The following PCED1B variants were observed in gnomAD, a reference collection of about 807,000 sequenced individuals.
The protein encoded by PCED1B is PC-esterase domain containing 1B.
For synonymous variants in PCED1B, 251 were observed against 246.1 expected (o/e 1.02, Z -0.19); for missense variants, 573 against 573.9 (o/e 1.00, Z 0.02).
At chr12:47,092,838 T>G (rs1005237777) in intron 1 of PCED1B, among the ~76,000 whole-genome samples, 1 of 152,074 alleles carries the variant, frequency 6.6e-6, no homozygotes, top group Non-Finnish European at 1.5e-5. Flanking sequence ...AAGCCACACT[T>G]GTACACTTGG....
intron 2 of PCED1B, among the ~76,000 whole-genome samples, chr12:47,144,557 A>G (rs1169377917): frequency 1.3e-5 from 2 of 152,174 alleles, no homozygotes; most frequent in Non-Finnish European, 2.9e-5. Flanking sequence ...GCATTTCTAA[A>G]AAGGGCATTG....
chr12:47,218,584 A>G (rs1280259034), intron 3 of PCED1B, among the ~76,000 whole-genome samples: 8 of 152,102 alleles, frequency 5.3e-5, no homozygotes, highest in Non-Finnish European at 1.5e-5. Flanking sequence ...CCTGGGTGCA[A>G]GGTATCCTTC....
chr12:47,151,679 C>G (rs1048380934), intron 2 of PCED1B, among the ~76,000 whole-genome samples: 2 of 152,164 alleles, frequency 1.3e-5, no homozygotes, highest in African/African-American at 4.8e-5. Context: ...GGTGTAAATT[C>G]CAGTCTAAAT....
intron 2 of PCED1B, among the ~76,000 whole-genome samples, chr12:47,199,273 C>T (rs946829818): frequency 5.9e-5 from 9 of 152,122 alleles, no homozygotes; most frequent in African/African-American, 1.7e-4. Context: ...GTATTTCATG[C>T]TCATGGATAG....
intron 1 of PCED1B, among the ~76,000 whole-genome samples, chr12:47,091,711 CTTGTGTG>C (rs1252789841): frequency 1.3e-5 from 2 of 152,098 alleles, no homozygotes; most frequent in East Asian, 3.8e-4. Flanking sequence ...GGTATTGACT[CTTGTGTG>C]TAATGTGAAA....
intron 1 of PCED1B, among the ~76,000 whole-genome samples, chr12:47,083,969 A>G (rs1380654066): frequency 2.0e-5 from 3 of 152,214 alleles, no homozygotes; most frequent in Non-Finnish European, 4.4e-5. Flanking sequence ...TCACCATTGT[A>G]ACAATTTTAA....
intron 2 of PCED1B, among the ~76,000 whole-genome samples, chr12:47,176,765 G>A (rs1014860274): frequency 6.6e-6 from 1 of 152,120 alleles, no homozygotes; most frequent in African/African-American, 2.4e-5. Context: ...ATCTGAAGTG[G>A]TGGATAGCCT....
At chr12:47,188,962 G>T (rs1411170128) in intron 2 of PCED1B, among the ~76,000 whole-genome samples, 1 of 152,080 alleles carries the variant, frequency 6.6e-6, no homozygotes, top group Non-Finnish European at 1.5e-5. Context: ...TTCTGCTTCT[G>T]ATTAGGTCAC....
chr12:47,133,833 G>C (rs1037341143), intron 2 of PCED1B, among the ~76,000 whole-genome samples: 2 of 152,118 alleles, frequency 1.3e-5, no homozygotes, highest in African/African-American at 4.8e-5. Flanking sequence ...TTATGAAGTG[G>C]AACCTTTAGG....
chr12:47,227,119 T>C (rs138307207), intron 3 of PCED1B, among the ~76,000 whole-genome samples: 124 of 152,226 alleles, frequency 8.1e-4, no homozygotes, highest in African/African-American at 2.2e-3. Context: ...AGAACTTCAT[T>C]TCCATTTCAG....
At chr12:47,171,984 T>C (rs971492381) in intron 2 of PCED1B, among the ~76,000 whole-genome samples, 1 of 152,160 alleles carries the variant, frequency 6.6e-6, no homozygotes, top group Non-Finnish European at 1.5e-5. Flanking sequence ...TTTCTGTCTC[T>C]GTATTTATAA....
At chr12:47,153,968 A>C (rs1941100193) in intron 2 of PCED1B, among the ~76,000 whole-genome samples, 1 of 152,160 alleles carries the variant, frequency 6.6e-6, no homozygotes, top group African/African-American at 2.4e-5. Context: ...TATGTGTTTC[A>C]ATATGTATTT....
chr12:47,150,131 A>T (rs1419186606), intron 2 of PCED1B, among the ~76,000 whole-genome samples: 1 of 152,138 alleles, frequency 6.6e-6, no homozygotes, highest in African/African-American at 2.4e-5. Flanking sequence ...TATTTTAACA[A>T]AGTTGGAGGG....
intron 2 of PCED1B, among the ~76,000 whole-genome samples, chr12:47,133,437 G>A (rs1251361948): frequency 1.3e-5 from 2 of 152,148 alleles, no homozygotes; most frequent in Non-Finnish European, 2.9e-5. Context: ...TAATGTTCAG[G>A]TCAGCAATAA....
chr12:47,230,947 T>C (rs1819672427), intron 3 of PCED1B, among the ~76,000 whole-genome samples: 2 of 152,210 alleles, frequency 1.3e-5, no homozygotes, highest in South Asian at 2.1e-4. Context: ...ACATCAGATA[T>C]ATGAAGTGTA....
chr12:47,106,851 CA>C (rs891373694), intron 2 of PCED1B, among the ~76,000 whole-genome samples: 5 of 152,132 alleles, frequency 3.3e-5, no homozygotes, highest in African/African-American at 1.2e-4. Context: ...CCACCTCTGG[CA>C]AACATACATT....
At chr12:47,122,407 T>C (rs1939718786) in intron 2 of PCED1B, among the ~76,000 whole-genome samples, 1 of 152,226 alleles carries the variant, frequency 6.6e-6, no homozygotes, top group African/African-American at 2.4e-5. Flanking sequence ...GATCCAGAAC[T>C]TTACATTTCA....
intron 2 of PCED1B, among the ~76,000 whole-genome samples, chr12:47,131,251 T>C (rs774041721): frequency 6.6e-6 from 1 of 152,168 alleles, no homozygotes; most frequent in Non-Finnish European, 1.5e-5. Flanking sequence ...GGCATTCCAC[T>C]CCTTAGGCTA....
intron 2 of PCED1B, among the ~76,000 whole-genome samples, chr12:47,213,439 CAT>C (rs1943154227): frequency 6.6e-6 from 1 of 152,154 alleles, no homozygotes; most frequent in Non-Finnish European, 1.5e-5. Flanking sequence ...GATTTAAACA[CAT>C]ACACACACGA....
Sources: allele counts gnomAD v4.1 joint callset (sites outside exome capture counted in the v4.1 genomes callset), GRCh38; gene constraint gnomAD v4.1.1; transcripts MANE v1.5; gene names NCBI Gene and HGNC (gene_info 2026-07-23, HGNC 2026-07-21).